Variants in ELL2 observed in about 807,000 individuals in gnomAD.
ELL2 encodes the protein RNA polymerase II elongation factor ELL2.
In ELL2, 21 loss-of-function variants were observed where a neutral mutation model predicts 72.8. The ratio of observed to expected loss-of-function variants is 0.29; its 90% CI spans 0.20 to 0.42. ELL2 has a LOEUF of 0.42. Ranked by LOEUF, ELL2 falls within the 10% of genes least tolerant of loss-of-function variation. The probability of loss-of-function intolerance (pLI) is 1.00; values close to 1 mark genes in which losing one functional copy is unlikely to be tolerated. For missense variants in ELL2, 568 were observed against 772.8 expected (o/e 0.73, Z 3.14); for synonymous variants, 266 against 283.2 (o/e 0.94, Z 0.61).
chr5:95,918,194 C>A (rs910378608), intron 3 of ELL2, among the ~76,000 whole-genome samples: 1 of 152,194 alleles, frequency 6.6e-6, no homozygotes, highest in African/African-American at 2.4e-5. Context: ...ACTGTGCTGT[C>A]TACTATGATA....
chr5:95,960,734 C>T (rs548696640), intron 1 of ELL2, among the ~76,000 whole-genome samples: 37 of 152,194 alleles, frequency 2.4e-4, no homozygotes, highest in African/African-American at 8.7e-4. Flanking sequence ...GTCTTGCTCC[C>T]GGGGAGCGCT....
chr5:95,938,829 A>C (rs1415063325), intron 2 of ELL2, among the ~76,000 whole-genome samples: 1 of 152,242 alleles, frequency 6.6e-6, no homozygotes, highest in Non-Finnish European at 1.5e-5. Flanking sequence ...AAAGAATTTA[A>C]GAATAATATT....
chr5:95,950,953 T>A (rs1181237832), intron 1 of ELL2, among the ~76,000 whole-genome samples: 14 of 107,522 alleles, frequency 1.3e-4, no homozygotes, highest in African/African-American at 2.8e-4. Context: ...TATATATATA[T>A]AAAATCTTCA....
chr5:95,899,280 C>G (rs1749031104), intron 7 of ELL2, among the ~76,000 whole-genome samples: 1 of 152,192 alleles, frequency 6.6e-6, no homozygotes, highest in African/African-American at 2.4e-5. Context: ...AGAACTAACA[C>G]AGCTAGGTAA....
At chr5:95,896,837 G>A (rs2546191) in intron 8 of ELL2, among the ~76,000 whole-genome samples, 57,325 of 151,832 alleles carry the variant, frequency 0.38, 12,241 homozygotes, top group African/African-American at 0.59. Flanking sequence ...AGAACACTTG[G>A]AACTCTGATG....
chr5:95,960,229 T>TGTA (rs1444645527), intron 1 of ELL2, among the ~76,000 whole-genome samples: 2 of 151,964 alleles, frequency 1.3e-5, no homozygotes, highest in Non-Finnish European at 2.9e-5. Context: ...ACGGGCTATT[T>TGTA]GTAAGATGCC....
At chr5:95,889,257 T>C (rs1209373648) in intron 10 of ELL2, 127 bp from the exon 11 acceptor site, 2 of 775,590 alleles carry the variant, frequency 2.6e-6, no homozygotes. Context: ...TGAAACAATC[T>C]TTATGGAAGG....
At chr5:95,918,427 A>G (rs1281077128) in intron 3 of ELL2, among the ~76,000 whole-genome samples, 12 of 152,248 alleles carry the variant, frequency 7.9e-5, no homozygotes, top group African/African-American at 2.9e-4. Context: ...ACATGAATAT[A>G]TCCTTGGGGA....
chr5:95,931,065 G>C (rs1277875801), intron 2 of ELL2, among the ~76,000 whole-genome samples: 3 of 151,718 alleles, frequency 2.0e-5, no homozygotes, highest in Non-Finnish European at 2.9e-5. Context: ...GGTTTGAGAA[G>C]AAAGTGAAAA....
chr5:95,889,043 T>C (rs1395364884), intron 11 of ELL2, 43 bp downstream of exon 11: 1 of 1,583,508 alleles, frequency 6.3e-7, no homozygotes, highest in Non-Finnish European at 8.6e-7. Context: ...ATTTACAACA[T>C]TTTTCAACCA....
intron 1 of ELL2, among the ~76,000 whole-genome samples, chr5:95,956,101 A>C (rs1751617899): frequency 6.6e-6 from 1 of 152,182 alleles, no homozygotes. Context: ...TCTGTAAGTC[A>C]TTCCAAGAAT....
At chr5:95,947,083 C>A (rs547197628) in intron 1 of ELL2, among the ~76,000 whole-genome samples, 130 of 152,242 alleles carry the variant, frequency 8.5e-4, no homozygotes, top group African/African-American at 2.9e-3. Context: ...GTTCAGATCC[C>A]AGCATCTACT....
At chr5:95,951,511 CAAATAAAG>C (rs1322195296) in intron 1 of ELL2, among the ~76,000 whole-genome samples, 1 of 151,922 alleles carries the variant, frequency 6.6e-6, no homozygotes, top group Non-Finnish European at 1.5e-5. Flanking sequence ...ACTGTAAATG[CAAATAAAG>C]ATTTGTTTCC....
intron 1 of ELL2, among the ~76,000 whole-genome samples, chr5:95,949,951 T>C (rs1029685230): frequency 4.6e-5 from 7 of 152,142 alleles, no homozygotes; most frequent in Non-Finnish European, 7.4e-5. Flanking sequence ...CTCAGGTAAG[T>C]TCTGTGAATT....
At chr5:95,934,688 G>A (rs115906455) in intron 2 of ELL2, among the ~76,000 whole-genome samples, 1,857 of 152,260 alleles carry the variant, frequency 0.012, 30 homozygotes, top group African/African-American at 0.041. Context: ...ATATTAGCTG[G>A]TGTCTAGCTC....
rs1281377866 is a variant in ELL2 at position 95,886,673 on chromosome 5, A to G, written c.*2198T>C. On this transcript the variant is annotated 3_prime_UTR_variant, in exon 12 of 12. Transcript: ENST00000237853. ...ATGATGGACATTAAAAAAAAAAAAA[A>G]GCCAATAGTTGACCTTCAGTTCAAG... 1 of 151,400 alleles carries G rather than the reference A, an allele frequency of 6.6e-6. No homozygotes were observed. The highest frequency in any genetic ancestry group is 6.6e-5 in the Admixed American group (1 of 15,180). The allele number at this position is 151,400 out of a possible 1,614,324, so 9.4% of individuals were successfully genotyped here.
intron 2 of ELL2, among the ~76,000 whole-genome samples, chr5:95,935,765 T>C (rs1275003613): frequency 6.6e-6 from 1 of 152,214 alleles, no homozygotes; most frequent in Non-Finnish European, 1.5e-5. Context: ...ATTTGAATAA[T>C]GGCCTCACCA....
chr5:95,896,531 T>C (rs1748883601), intron 8 of ELL2, among the ~76,000 whole-genome samples: 1 of 152,214 alleles, frequency 6.6e-6, no homozygotes, highest in African/African-American at 2.4e-5. Flanking sequence ...AAGGACAAAG[T>C]ACCCTAAACA....
intron 4 of ELL2, among the ~76,000 whole-genome samples, chr5:95,908,598 C>A (rs1050550996): frequency 6.6e-6 from 1 of 152,132 alleles, no homozygotes; most frequent in Non-Finnish European, 1.5e-5. Flanking sequence ...TCAACACAGT[C>A]CATACTTCCC....
Sources: allele counts gnomAD v4.1 joint callset (sites outside exome capture counted in the v4.1 genomes callset), GRCh38; gene constraint gnomAD v4.1.1; transcripts MANE v1.5; gene names NCBI Gene and HGNC (gene_info 2026-07-23, HGNC 2026-07-21).